The following NTM variants were observed in gnomAD, a reference collection of about 807,000 sequenced individuals.
The protein encoded by NTM is neurotrimin, also known as IgLON family member 2.
A neutral mutation model predicts 42.1 loss-of-function variants in NTM; 13 were observed. The ratio of observed to expected loss-of-function variants is 0.31; its 90% CI spans 0.20 to 0.49. NTM has a LOEUF of 0.49. Ranked by LOEUF, NTM falls within the 20% of genes least tolerant of loss-of-function variation. The probability of loss-of-function intolerance (pLI) is 0.99; values close to 1 mark genes in which losing one functional copy is unlikely to be tolerated. For synonymous variants in NTM, 187 were observed against 179.2 expected (o/e 1.04, Z -0.35); for missense variants, 373 against 452.8 (o/e 0.82, Z 1.60).
At chr11:131,961,667 G>A (rs1179704219) in intron 2 of NTM, among the ~76,000 whole-genome samples, 1 of 152,146 alleles carries the variant, frequency 6.6e-6, no homozygotes, top group East Asian at 1.9e-4. Flanking sequence ...TTACACTGGA[G>A]CAGCAGCACT....
intron 1 of NTM, among the ~76,000 whole-genome samples, chr11:131,403,322 A>C (rs565823804): frequency 2.0e-5 from 3 of 151,934 alleles, no homozygotes; most frequent in Admixed American, 2.0e-4. Context: ...CTCCATTCCT[A>C]TTTTCACTTC....
At chr11:132,315,707 C>G (rs1440563045) in intron 7 of NTM, among the ~76,000 whole-genome samples, 1 of 152,138 alleles carries the variant, frequency 6.6e-6, no homozygotes, top group Non-Finnish European at 1.5e-5. Context: ...CTCTGAATCA[C>G]GAGCCTGCAC....
intron 2 of NTM, among the ~76,000 whole-genome samples, chr11:131,939,370 G>T (rs925743229): frequency 1.3e-5 from 2 of 148,400 alleles, no homozygotes; most frequent in Non-Finnish European, 1.5e-5. Context: ...TGGATAAGAT[G>T]ATAGCTTGAG....
intron 2 of NTM, among the ~76,000 whole-genome samples, chr11:131,980,165 T>C (rs749336120): frequency 1.3e-5 from 2 of 152,260 alleles, no homozygotes; most frequent in Non-Finnish European, 2.9e-5. Context: ...ATTTGAATTC[T>C]TGATTTACTT....
intron 1 of NTM, among the ~76,000 whole-genome samples, chr11:131,682,244 T>C (rs948047629): frequency 1.3e-5 from 2 of 152,210 alleles, no homozygotes; most frequent in African/African-American, 4.8e-5. Flanking sequence ...TGGCATGCTG[T>C]ATAGCTGAGG....
intron 2 of NTM, among the ~76,000 whole-genome samples, chr11:132,053,561 G>A (rs1210406264): frequency 6.6e-6 from 1 of 152,132 alleles, no homozygotes; most frequent in Non-Finnish European, 1.5e-5. Context: ...TCCTTGGATT[G>A]GGGAATGTAG....
intron 1 of NTM, among the ~76,000 whole-genome samples, chr11:131,878,309 G>A (rs549526090): frequency 6.6e-5 from 10 of 151,904 alleles, no homozygotes; most frequent in Non-Finnish European, 1.2e-4. Flanking sequence ...GGTGGCTGGC[G>A]CCTGTAATCC....
At chr11:132,300,469 C>A (rs1273967476) in intron 4 of NTM, among the ~76,000 whole-genome samples, 1 of 152,202 alleles carries the variant, frequency 6.6e-6, no homozygotes, top group Non-Finnish European at 1.5e-5. Flanking sequence ...TACTAGAGCT[C>A]ATCACTGCCC....
intron 2 of NTM, among the ~76,000 whole-genome samples, chr11:131,933,748 C>T (rs372571078): frequency 8.6e-5 from 13 of 151,944 alleles, no homozygotes; most frequent in Admixed American, 4.6e-4. Context: ...GTCCCGTGGG[C>T]GATGAATTTG....
intron 2 of NTM, among the ~76,000 whole-genome samples, chr11:132,056,781 C>A (rs2079749466): frequency 6.6e-6 from 1 of 152,194 alleles, no homozygotes; most frequent in South Asian, 2.1e-4. Context: ...AATTCTTACA[C>A]CCACAGAGAT....
intron 1 of NTM, among the ~76,000 whole-genome samples, chr11:131,487,312 GA>G (rs1954283491): frequency 6.6e-6 from 1 of 152,182 alleles, no homozygotes; most frequent in South Asian, 2.1e-4. Flanking sequence ...ACATAGTACT[GA>G]ATAAGTTCCA....
At chr11:132,270,098 G>A (rs554597521) in intron 4 of NTM, among the ~76,000 whole-genome samples, 3 of 152,188 alleles carry the variant, frequency 2.0e-5, no homozygotes, top group South Asian at 2.1e-4. Flanking sequence ...TACGGATAGC[G>A]TTTTATTCAT....
intron 1 of NTM, among the ~76,000 whole-genome samples, chr11:131,650,403 T>C (rs940243812): frequency 1.3e-5 from 2 of 152,172 alleles, no homozygotes; most frequent in African/African-American, 4.8e-5. Context: ...TTGGTCTGCA[T>C]TTGTCTTCTC....
chr11:131,487,391 C>T (rs1256836009), intron 1 of NTM, among the ~76,000 whole-genome samples: 2 of 152,120 alleles, frequency 1.3e-5, no homozygotes, highest in Non-Finnish European at 2.9e-5. Context: ...ATTATTATTT[C>T]CAGTTTCAAT....
At chr11:132,011,897 T>C (rs1255647722) in intron 2 of NTM, among the ~76,000 whole-genome samples, 1 of 152,232 alleles carries the variant, frequency 6.6e-6, no homozygotes, top group Non-Finnish European at 1.5e-5. Flanking sequence ...TTATTCCCAA[T>C]CCCTGTTCTC....
rs566467060 is a variant in NTM, at chr11:131,653,236, TC to T, written c.83-258327del. On this transcript the variant is annotated intron_variant, in intron 1 of 8. Coordinates refer to ENST00000683400, the MANE Select transcript of NTM (RefSeq NM_001352005.2). ...TTTTTTTGAGGTTATCTTTTTTTTT[TC>T]TTCCTTTGTTCTTTCAGTCTCACAT... Among the ~76,000 whole-genome samples, 840 of 151,276 alleles carry T rather than the reference TC, an allele frequency of 5.6e-3. 6 individuals carry two copies. The highest frequency in any genetic ancestry group is 0.02 in the African/African-American group (804 of 41,194).
intron 1 of NTM, among the ~76,000 whole-genome samples, chr11:131,545,287 G>T (rs1002666107): frequency 2.6e-5 from 4 of 151,992 alleles, no homozygotes; most frequent in Non-Finnish European, 4.4e-5. Flanking sequence ...CTGTTTCTTT[G>T]TCTTTTTCTT....
chr11:132,285,967 C>T (rs982479197), intron 4 of NTM, among the ~76,000 whole-genome samples: 6 of 152,148 alleles, frequency 3.9e-5, no homozygotes, highest in African/African-American at 7.2e-5. Flanking sequence ...CTGGCTTCCT[C>T]GGTTTGCAGA....
chr11:132,243,179 C>T (rs937834164), intron 4 of NTM, among the ~76,000 whole-genome samples: 1 of 152,108 alleles, frequency 6.6e-6, no homozygotes, highest in Non-Finnish European at 1.5e-5. Flanking sequence ...CTCTTACTAA[C>T]AAATTACTGC....
Sources: gnomAD v4.1 joint callset for allele counts (sites outside exome capture counted in the v4.1 genomes callset) on GRCh38, gnomAD v4.1.1 for gene constraint, MANE v1.5 for transcripts, NCBI Gene and HGNC (gene_info 2026-07-23, HGNC 2026-07-21) for gene names.